ARNT2: variants seen among roughly 807,000 people sequenced by gnomAD.
ARNT2 encodes the protein aryl hydrocarbon receptor nuclear translocator 2, also known as ARNT protein 2.
ARNT2 carries 36 observed loss-of-function variants against 91.7 expected under a neutral mutation model. The ratio of observed to expected loss-of-function variants is 0.39; its 90% CI spans 0.30 to 0.52. ARNT2 has a LOEUF of 0.52. Ranked by LOEUF, ARNT2 falls within the 20% of genes least tolerant of loss-of-function variation. ARNT2 has a pLI of 0.72. For synonymous variants in ARNT2, 365 were observed against 347.1 expected (o/e 1.05, Z -0.57); for missense variants, 775 against 939.3 (o/e 0.83, Z 2.29).
At chr15:80,525,181 G>T (rs1897620770) in intron 8 of ARNT2, among the ~76,000 whole-genome samples, 1 of 152,196 alleles carries the variant, frequency 6.6e-6, no homozygotes, top group Non-Finnish European at 1.5e-5. Context: ...ATTGGATTGA[G>T]TGGTCTGCAC....
At chr15:80,539,013 A>T (rs776247900) in intron 8 of ARNT2, among the ~76,000 whole-genome samples, 96 of 152,286 alleles carry the variant, frequency 6.3e-4, no homozygotes, top group Middle Eastern at 3.4e-3. Flanking sequence ...AATCAAAAAA[A>T]ATTTTTTTTC....
chr15:80,431,505 TC>T (rs1896009546), intron 1 of ARNT2, among the ~76,000 whole-genome samples: 3 of 152,130 alleles, frequency 2.0e-5, no homozygotes, highest in African/African-American at 7.2e-5. Flanking sequence ...GCTCCCTGGC[TC>T]CCTTTGAGCC....
At chr15:80,424,959 C>CT (rs1311321658) in intron 1 of ARNT2, among the ~76,000 whole-genome samples, 23 of 152,176 alleles carry the variant, frequency 1.5e-4, no homozygotes, top group Non-Finnish European at 2.2e-4. Flanking sequence ...AAAATAAATC[C>CT]TTTTTTTGTA....
At chr15:80,455,263 G>A (rs1050488613) in intron 2 of ARNT2, among the ~76,000 whole-genome samples, 7 of 152,130 alleles carry the variant, frequency 4.6e-5, no homozygotes, top group African/African-American at 1.7e-4. Context: ...CGGGTGGATT[G>A]AGTCATCCTG....
intron 4 of ARNT2, among the ~76,000 whole-genome samples, chr15:80,474,036 CT>C (rs1264022203): frequency 3.9e-5 from 6 of 152,172 alleles, no homozygotes; most frequent in Non-Finnish European, 8.8e-5. Context: ...CTAGGGAAGA[CT>C]TAGTGCCTGG....
intron 8 of ARNT2, among the ~76,000 whole-genome samples, chr15:80,526,091 T>G (rs1010276969): frequency 6.6e-5 from 10 of 152,226 alleles, no homozygotes; most frequent in African/African-American, 2.4e-4. Flanking sequence ...CCCTGCCGAC[T>G]CCCTGTTAAA....
chr15:80,561,814 C>T (rs1479062873), intron 11 of ARNT2, among the ~76,000 whole-genome samples: 1 of 152,062 alleles, frequency 6.6e-6, no homozygotes, highest in Non-Finnish European at 1.5e-5. Flanking sequence ...TTCAAGTAGC[C>T]CTTATTTACT....
chr15:80,441,645 A>T (rs890487405), intron 1 of ARNT2, among the ~76,000 whole-genome samples: 7 of 152,200 alleles, frequency 4.6e-5, no homozygotes, highest in Non-Finnish European at 1.0e-4. Flanking sequence ...ATGTAGGGAG[A>T]GCAAGATGTC....
chr15:80,525,392 T>TAACA (rs1897624088), intron 8 of ARNT2, among the ~76,000 whole-genome samples: 1 of 152,210 alleles, frequency 6.6e-6, no homozygotes, highest in African/African-American at 2.4e-5. Flanking sequence ...TTAGCACATA[T>TAACA]AACACTATTT....
At chr15:80,443,027 T>C in intron 1 of ARNT2, 2 of 985,196 alleles carry the variant, frequency 2.0e-6, no homozygotes, top group South Asian at 9.4e-5. Flanking sequence ...GAAGTCCAGG[T>C]ACAGTAAGAA....
At chr15:80,448,373 G>C (rs895142771) in intron 1 of ARNT2, among the ~76,000 whole-genome samples, 3 of 152,208 alleles carry the variant, frequency 2.0e-5, no homozygotes, top group Non-Finnish European at 2.9e-5. Flanking sequence ...ACAAGAAAAA[G>C]AAAGATCACT....
chr15:80,535,611 A>G (rs895695316), intron 8 of ARNT2, among the ~76,000 whole-genome samples: 5 of 152,084 alleles, frequency 3.3e-5, no homozygotes, highest in Admixed American at 2.0e-4. Flanking sequence ...ATTTTCTCCT[A>G]TGAGGTCTTT....
At chr15:80,577,056 G>C in intron 15 of ARNT2, 91 bp downstream of exon 15, 2 of 1,297,082 alleles carry the variant, frequency 1.5e-6, no homozygotes, top group Non-Finnish European at 2.2e-6. Context: ...TGGGCTGTAA[G>C]CATGAGTTAG....
chr15:80,524,863 A>G (rs1312892931), intron 8 of ARNT2, among the ~76,000 whole-genome samples: 1 of 151,134 alleles, frequency 6.6e-6, no homozygotes, highest in Non-Finnish European at 1.5e-5. Flanking sequence ...CGACAGAGCC[A>G]GACTCTGTCT....
rs1895984798 is a variant in ARNT2, at chr15:80,429,844, C to T, written c.32-21036C>T. Among the ~76,000 whole-genome samples, 3 of 152,172 alleles carry T rather than the reference C, an allele frequency of 2.0e-5. No individual in the cohort carries two copies. The South Asian group carries it at 6.2e-4, about 32-fold the overall frequency. ...AAAAGCCCGCCCACTGACAGAGCCC[C>T]TGCCCAACTAAGCTCTGTACCACCA... On this transcript the variant is annotated intron_variant, in intron 1 of 18. Coordinates refer to ENST00000303329, the MANE Select transcript of ARNT2 (RefSeq NM_014862.4).
At chr15:80,579,968 T>C (rs1250697542) in intron 15 of ARNT2, 1 of 156,320 alleles carries the variant, frequency 6.4e-6, no homozygotes, top group Non-Finnish European at 1.4e-5. Context: ...TGCAACCTAT[T>C]TCCTGAATCC....
chr15:80,427,667 T>C (rs1895951750), intron 1 of ARNT2, among the ~76,000 whole-genome samples: 1 of 152,124 alleles, frequency 6.6e-6, no homozygotes, highest in Non-Finnish European at 1.5e-5. Context: ...AAGGTGTGGG[T>C]CATTTATTTT....
At chr15:80,553,635 T>C (rs1031809633) in intron 10 of ARNT2, among the ~76,000 whole-genome samples, 3 of 152,206 alleles carry the variant, frequency 2.0e-5, no homozygotes, top group African/African-American at 7.2e-5. Context: ...GCAAATGTGA[T>C]AACATATTGA....
At chr15:80,582,032 C>T (rs997647287) in intron 17 of ARNT2, among the ~76,000 whole-genome samples, 13 of 152,212 alleles carry the variant, frequency 8.5e-5, no homozygotes, top group African/African-American at 2.9e-4. Flanking sequence ...CTGGTGCCTG[C>T]TTTCTCACAG....
Sources: gnomAD v4.1 joint callset for allele counts (sites outside exome capture counted in the v4.1 genomes callset) on GRCh38, gnomAD v4.1.1 for gene constraint, MANE v1.5 for transcripts, NCBI Gene and HGNC (gene_info 2026-07-23, HGNC 2026-07-21) for gene names.